The following SRGAP3 variants were observed in gnomAD, a reference collection of about 807,000 sequenced individuals.
The protein encoded by SRGAP3 is SLIT-ROBO Rho GTPase activating protein 3.
SRGAP3 carries 39 observed loss-of-function variants against 121.1 expected under a neutral mutation model. That is an observed-to-expected ratio of 0.32 (90% confidence interval 0.25 to 0.42). The LOEUF is 0.42. Among genes scored for constraint, SRGAP3 ranks in the 10% least tolerant of loss-of-function variants. The pLI is 1.00. For missense variants in SRGAP3, 1,213 were observed against 1,470.6 expected, an observed-to-expected ratio of 0.82 and a Z score of 2.86; for synonymous variants, 601 against 570.0, an observed-to-expected ratio of 1.05 and a Z score of -0.77.
At chr3:9,349,169 G>T in intron 1 of SRGAP3, 1 of 739,130 alleles carries the variant, frequency 1.4e-6, no homozygotes. Flanking sequence ...AGCTGTGGCT[G>T]CCCAGGGTAA....
intron 18 of SRGAP3, among the ~76,000 whole-genome samples, chr3:9,010,056 A>T (rs1943285730): frequency 6.6e-6 from 1 of 152,140 alleles, no homozygotes; most frequent in Non-Finnish European, 1.5e-5. Flanking sequence ...CACATTAAGG[A>T]ATGAAGTGGG....
chr3:9,278,335 A>G (rs963673731), intron 3 of SRGAP3, among the ~76,000 whole-genome samples: 4 of 152,200 alleles, frequency 2.6e-5, no homozygotes, highest in Non-Finnish European at 5.9e-5. Context: ...CAGCTGAGGC[A>G]ATTACTCTCC....
chr3:9,083,588 T>C (rs1029757956), intron 3 of SRGAP3, among the ~76,000 whole-genome samples: 3 of 152,256 alleles, frequency 2.0e-5, no homozygotes, highest in African/African-American at 7.2e-5. Context: ...GGATTCCATA[T>C]ACCAGAGGCA....
intron 2 of SRGAP3, 119 bp from the exon 3 acceptor site, chr3:9,104,961 T>C: frequency 8.3e-7 from 1 of 1,203,778 alleles, no homozygotes. Context: ...GTCAGTCTTG[T>C]TGTTACACCT....
At chr3:9,155,853 T>C (rs936029702) in intron 1 of SRGAP3, among the ~76,000 whole-genome samples, 2 of 152,240 alleles carry the variant, frequency 1.3e-5, no homozygotes, top group African/African-American at 2.4e-5. Flanking sequence ...TCTCGCTCTG[T>C]CGCCCAGGCT....
intron 20 of SRGAP3, among the ~76,000 whole-genome samples, chr3:8,991,592 G>A (rs959674313): frequency 7.2e-5 from 11 of 152,264 alleles, no homozygotes; most frequent in African/African-American, 2.2e-4. Flanking sequence ...TCTGTGAAGC[G>A]GGTTTAAGCA....
intron 1 of SRGAP3, among the ~76,000 whole-genome samples, chr3:9,236,751 A>T (rs111472764): frequency 1.7e-4 from 26 of 152,256 alleles, no homozygotes; most frequent in African/African-American, 6.3e-4. Flanking sequence ...TTTCTTTATA[A>T]AGTACCCAGT....
intron 1 of SRGAP3, among the ~76,000 whole-genome samples, chr3:9,140,627 C>A (rs1041911495): frequency 6.6e-6 from 1 of 152,206 alleles, no homozygotes; most frequent in African/African-American, 2.4e-5. Context: ...ACTACTCAAC[C>A]CTATCGTTAC....
At chr3:9,232,522 T>A (rs753756855) in intron 1 of SRGAP3, among the ~76,000 whole-genome samples, 2 of 152,114 alleles carry the variant, frequency 1.3e-5, no homozygotes, top group African/African-American at 2.4e-5. Context: ...AAAACTGTAA[T>A]ACATACACAC....
At position 9,249,158 on chromosome 3, in the gene SRGAP3, A is replaced by G. The variant is rs1271901837; in HGVS notation, c.-207T>C. ...TCTTTACTTGCCGAGAAATGGCTCT[A>G]GTAGCTTGCCCTGGTCAGCTCCTCT... is the stretch of plus-strand genomic sequence containing the variant. On this transcript the variant is annotated 5_prime_UTR_variant, in exon 1 of 22. Transcript: ENST00000383836. The G allele has an allele frequency of 1.1e-5, 7 of 629,138 alleles. No individual in the cohort carries two copies. The highest frequency in any genetic ancestry group is 2.0e-5 in the Non-Finnish European group (7 of 352,870). The allele number at this position is 629,138 out of a possible 1,614,324, so 39.0% of individuals were successfully genotyped here. A position where few individuals can be genotyped will look rare whatever the true frequency, so the allele number is the denominator to read the frequency against.
intron 1 of SRGAP3, among the ~76,000 whole-genome samples, chr3:9,244,019 A>T (rs1305049087): frequency 6.6e-6 from 1 of 152,044 alleles, no homozygotes; most frequent in East Asian, 1.9e-4. Context: ...GGAACTCCCC[A>T]CTTGGCCACA....
chr3:9,132,756 A>C (rs1264609715), intron 1 of SRGAP3, among the ~76,000 whole-genome samples: 1 of 152,200 alleles, frequency 6.6e-6, no homozygotes, highest in Non-Finnish European at 1.5e-5. Flanking sequence ...TCATTTGGGT[A>C]AATATCCTTT....
At chr3:9,304,417 G>A (rs2125275980) in intron 3 of SRGAP3, among the ~76,000 whole-genome samples, 1 of 152,316 alleles carries the variant, frequency 6.6e-6, no homozygotes, top group Non-Finnish European at 1.5e-5. Flanking sequence ...AAGAACGGTA[G>A]AATGAAAATG....
chr3:9,150,221 G>A (rs1950170135), intron 1 of SRGAP3, among the ~76,000 whole-genome samples: 1 of 151,772 alleles, frequency 6.6e-6, no homozygotes. Flanking sequence ...AAGAGGAGTG[G>A]GCCAGGGAAA....
At chr3:9,004,940 C>T (rs1942980244) in intron 18 of SRGAP3, among the ~76,000 whole-genome samples, 3 of 152,288 alleles carry the variant, frequency 2.0e-5, no homozygotes, top group Admixed American at 2.0e-4. Context: ...AAATGAAATA[C>T]TTTTGTGCTT....
intron 2 of SRGAP3, among the ~76,000 whole-genome samples, chr3:9,112,482 T>C (rs1440548367): frequency 3.3e-5 from 5 of 152,224 alleles, no homozygotes; most frequent in Non-Finnish European, 7.4e-5. Flanking sequence ...ACTTCCCACT[T>C]CGTGGAGCTT....
intron 18 of SRGAP3, among the ~76,000 whole-genome samples, chr3:9,006,389 ACT>A (rs1433426442): frequency 7.7e-6 from 1 of 130,400 alleles, no homozygotes; most frequent in Non-Finnish European, 1.6e-5. Context: ...ACAGAGCGAG[ACT>A]CTGTCTCAAA....
At chr3:9,081,060 G>C (rs1947221800) in intron 3 of SRGAP3, among the ~76,000 whole-genome samples, 1 of 152,136 alleles carries the variant, frequency 6.6e-6, no homozygotes, top group African/African-American at 2.4e-5. Flanking sequence ...AAAAAGGTTG[G>C]GGACCACTGC....
intron 18 of SRGAP3, among the ~76,000 whole-genome samples, chr3:9,002,019 C>A (rs1262858873): frequency 6.6e-6 from 1 of 152,048 alleles, no homozygotes; most frequent in Admixed American, 6.5e-5. Flanking sequence ...GACAGAAGAT[C>A]AAAGAGGAAA....
Sources: allele counts gnomAD v4.1 joint callset (sites outside exome capture counted in the v4.1 genomes callset), GRCh38; gene constraint gnomAD v4.1.1; transcripts MANE v1.5; gene names NCBI Gene and HGNC (gene_info 2026-07-23, HGNC 2026-07-21).